Variants in SGCZ observed in about 807,000 individuals in gnomAD.
The protein encoded by SGCZ is sarcoglycan zeta.
A neutral mutation model predicts 41.3 loss-of-function variants in SGCZ; 40 were observed. That is an observed-to-expected ratio of 0.97 (90% CI 0.75 to 1.26). SGCZ has a LOEUF of 1.26. Ranked by LOEUF, SGCZ falls within the 50% of genes most tolerant of loss-of-function variation. SGCZ has a pLI of 0.00. For missense variants in SGCZ, 552 were observed against 369.8 expected, an observed-to-expected ratio of 1.49 and a Z score of -4.04; for synonymous variants, 206 against 137.5, an observed-to-expected ratio of 1.50 and a Z score of -3.49.
At chr8:14,600,613 C>G (rs1444475284) in intron 1 of SGCZ, among the ~76,000 whole-genome samples, 1 of 152,158 alleles carries the variant, frequency 6.6e-6, no homozygotes, top group Non-Finnish European at 1.5e-5. Flanking sequence ...TAGCAGACAA[C>G]AGGTGCTGCA....
intron 1 of SGCZ, among the ~76,000 whole-genome samples, chr8:14,646,071 T>C (rs1471852220): frequency 1.3e-5 from 2 of 151,900 alleles, no homozygotes; most frequent in Non-Finnish European, 2.9e-5. Context: ...TTTTAACTTT[T>C]ATTTTAGATA....
intron 2 of SGCZ, among the ~76,000 whole-genome samples, chr8:14,390,958 G>A (rs1444520907): frequency 2.0e-5 from 3 of 152,034 alleles, no homozygotes; most frequent in Admixed American, 1.3e-4. Context: ...AGGAAGAATA[G>A]GTTGGGGGGA....
intron 1 of SGCZ, among the ~76,000 whole-genome samples, chr8:14,806,307 G>C (rs1241688182): frequency 6.7e-6 from 1 of 149,856 alleles, no homozygotes; most frequent in Non-Finnish European, 1.5e-5. Flanking sequence ...TTTTTTGAAA[G>C]GATCAACAAA....
At chr8:15,130,992 C>G (rs1807876629) in intron 1 of SGCZ, among the ~76,000 whole-genome samples, 1 of 152,108 alleles carries the variant, frequency 6.6e-6, no homozygotes, top group Admixed American at 6.5e-5. Context: ...ACTCAGCAGC[C>G]TGTAGTTTCA....
intron 1 of SGCZ, among the ~76,000 whole-genome samples, chr8:15,223,665 T>A (rs866354580): frequency 2.0e-5 from 3 of 152,124 alleles, no homozygotes; most frequent in Non-Finnish European, 4.4e-5. Context: ...GATCCATGAT[T>A]TGGTAGAGAA....
At chr8:14,279,316 T>A (rs1363008440) in intron 3 of SGCZ, among the ~76,000 whole-genome samples, 1 of 152,082 alleles carries the variant, frequency 6.6e-6, no homozygotes, top group Non-Finnish European at 1.5e-5. Flanking sequence ...ATATATATGC[T>A]GCATTAAAAC....
At chr8:15,062,603 AG>A (rs761331813) in intron 1 of SGCZ, among the ~76,000 whole-genome samples, 11 of 152,190 alleles carry the variant, frequency 7.2e-5, no homozygotes, top group Non-Finnish European at 1.2e-4. Flanking sequence ...TAATAAACTT[AG>A]CTTGAAAAAT....
At chr8:14,231,106 G>T (rs1231206968) in intron 4 of SGCZ, among the ~76,000 whole-genome samples, 2 of 149,464 alleles carry the variant, frequency 1.3e-5, no homozygotes, top group South Asian at 2.1e-4. Flanking sequence ...TCTAAAAGGT[G>T]TCCTGACTCT....
chr8:14,424,272 A>C (rs1052152860), intron 2 of SGCZ, among the ~76,000 whole-genome samples: 6 of 152,156 alleles, frequency 3.9e-5, no homozygotes, highest in African/African-American at 1.4e-4. Context: ...TTAGGTGCTA[A>C]AGCTAGTTTT....
intron 1 of SGCZ, among the ~76,000 whole-genome samples, chr8:15,008,256 C>T (rs904062063): frequency 1.3e-5 from 2 of 151,958 alleles, no homozygotes; most frequent in Admixed American, 1.3e-4. Flanking sequence ...CTCATTAATT[C>T]GTAGGGCCTT....
chr8:15,185,413 A>T (rs1278554070), intron 1 of SGCZ, among the ~76,000 whole-genome samples: 1 of 152,226 alleles, frequency 6.6e-6, no homozygotes, highest in African/African-American at 2.4e-5. Context: ...TACCGTGTTC[A>T]CCATGAAGTT....
intron 1 of SGCZ, among the ~76,000 whole-genome samples, chr8:15,017,384 T>C (rs908601134): frequency 6.6e-6 from 1 of 152,238 alleles, no homozygotes; most frequent in Non-Finnish European, 1.5e-5. Flanking sequence ...TGATCCACAG[T>C]GGACCTTGGT....
chr8:15,115,590 G>A (rs1179077507), intron 1 of SGCZ, among the ~76,000 whole-genome samples: 1 of 152,100 alleles, frequency 6.6e-6, no homozygotes, highest in East Asian at 1.9e-4. Context: ...GACAAATATG[G>A]GCTGTATCAT....
intron 1 of SGCZ, among the ~76,000 whole-genome samples, chr8:14,720,243 A>G (rs1403981742): frequency 6.6e-6 from 1 of 152,002 alleles, no homozygotes; most frequent in Non-Finnish European, 1.5e-5. Context: ...CACAAGAAAT[A>G]CAGAAAAAAT....
chr8:15,053,027 C>T (rs1404209586), intron 1 of SGCZ, among the ~76,000 whole-genome samples: 3 of 152,162 alleles, frequency 2.0e-5, no homozygotes, highest in Non-Finnish European at 4.4e-5. Flanking sequence ...ACTTCAAAAT[C>T]CAGCATTCCT....
intron 1 of SGCZ, among the ~76,000 whole-genome samples, chr8:14,863,015 T>G (rs947510984): frequency 6.6e-6 from 1 of 152,100 alleles, no homozygotes; most frequent in Non-Finnish European, 1.5e-5. Flanking sequence ...TCAATCAATT[T>G]TTGAAATCAT....
At chr8:14,807,718 TG>T (rs1801591348) in intron 1 of SGCZ, among the ~76,000 whole-genome samples, 1 of 151,660 alleles carries the variant, frequency 6.6e-6, no homozygotes, top group Non-Finnish European at 1.5e-5. Flanking sequence ...TTCACAGAAT[TG>T]GAAAAAACTA....
chr8:14,132,230 T>C (rs1221986021), intron 5 of SGCZ, among the ~76,000 whole-genome samples: 1 of 152,210 alleles, frequency 6.6e-6, no homozygotes, highest in Non-Finnish European at 1.5e-5. Flanking sequence ...TTAAATCTGC[T>C]ACTGAGCTTG....
intron 1 of SGCZ, among the ~76,000 whole-genome samples, chr8:14,607,160 T>G (rs17119892): frequency 1.3e-5 from 2 of 152,082 alleles, no homozygotes; most frequent in Non-Finnish European, 2.9e-5. Context: ...ACTCTGAAGA[T>G]TGAACAAAAC....
Sources: allele counts gnomAD v4.1 joint callset (sites outside exome capture counted in the v4.1 genomes callset), GRCh38; gene constraint gnomAD v4.1.1; transcripts MANE v1.5; gene names NCBI Gene and HGNC (gene_info 2026-07-23, HGNC 2026-07-21).